Variants in GALNT13 observed in about 807,000 individuals in gnomAD.
GALNT13 encodes the protein polypeptide N-acetylgalactosaminyltransferase 13, also known as UDP-GalNAc:polypeptide N-acetylgalactosaminyltransferase 13.
Under a neutral mutation model 64.2 loss-of-function variants are expected in GALNT13, and 28 were observed. The ratio of observed to expected loss-of-function variants is 0.44; its 90% CI spans 0.32 to 0.60. The LOEUF (loss-of-function observed/expected upper bound fraction) is 0.60. Ranked by LOEUF, GALNT13 falls within the 20% of genes least tolerant of loss-of-function variation. The probability of loss-of-function intolerance (pLI) is 0.05; values close to 1 mark genes in which losing one functional copy is unlikely to be tolerated. For missense variants in GALNT13, 577 were observed against 669.8 expected (o/e 0.86, Z 1.53); for synonymous variants, 214 against 224.6 (o/e 0.95, Z 0.42).
At chr2:153,921,128 A>G (rs937103903) in intron 2 of GALNT13, among the ~76,000 whole-genome samples, 3 of 152,188 alleles carry the variant, frequency 2.0e-5, no homozygotes, top group African/African-American at 7.2e-5. Context: ...GTTTGAGTAT[A>G]TATCCAAAAG....
chr2:154,298,983 T>C (rs1264527622), intron 8 of GALNT13, among the ~76,000 whole-genome samples: 1 of 144,280 alleles, frequency 6.9e-6, no homozygotes, highest in African/African-American at 2.6e-5. Context: ...AATTACATAA[T>C]TCATAATTCT....
chr2:153,250,396 G>A, the GALNT13 span, among the ~76,000 whole-genome samples: 1 of 152,214 alleles, frequency 6.6e-6, no homozygotes, highest in Non-Finnish European at 1.5e-5. Flanking sequence ...ATGCTGGAGA[G>A]GATGTGGAGA....
chr2:154,242,861 G>C lies in GALNT13; in HGVS notation c.642G>C (p.Thr214=), dbSNP rs147522830. 1.9e-6 allele frequency: 3 copies of C among 1,614,042 alleles called. No individual in the cohort carries two copies. In the African/African-American group the frequency reaches 4.0e-5, roughly 22 times the overall value. The change falls in exon 6 of 13, where the codon ACG becomes ACC. Residue 214 remains threonine (T), a synonymous_variant. Coordinates refer to ENST00000392825, the MANE Select transcript of GALNT13 (RefSeq NM_052917.4). ...ITFLDAHCEC[T]LGWLEPLLAR... is the part of the protein sequence containing the mutation. Reference sequence around the variant, plus strand: ...TTCTTGATGCACACTGTGAATGCACGTTAGGATGGCTGGAGCCTTTGCTGG... The same window carrying C: ...TTCTTGATGCACACTGTGAATGCACCTTAGGATGGCTGGAGCCTTTGCTGG...
chr2:154,451,456 A>G lies in GALNT13; in HGVS notation c.*905A>G, dbSNP rs1464612121. 1 of 152,092 alleles carries G rather than the reference A, an allele frequency of 6.6e-6. No individual in the cohort carries two copies. Among genetic ancestry groups the G allele is most frequent in the Non-Finnish European group, 1.5e-5 (1 of 68,018 alleles). 9.4% of individuals were successfully genotyped at this position (152,092 alleles called of 1,614,324 possible). Reference sequence around the variant, plus strand: ...AATTGCAGGTGAAAGGGAGAATTTTAGACTTAATTTTTAACTCTATTGCAC... The same window carrying G: ...AATTGCAGGTGAAAGGGAGAATTTTGGACTTAATTTTTAACTCTATTGCAC... On this transcript the variant is annotated 3_prime_UTR_variant, in exon 13 of 13. Coordinates refer to ENST00000392825, the MANE Select transcript of GALNT13 (RefSeq NM_052917.4).
chr2:154,258,764 T>C (rs1690525746), intron 7 of GALNT13, among the ~76,000 whole-genome samples: 2 of 151,846 alleles, frequency 1.3e-5, no homozygotes, highest in Non-Finnish European at 2.9e-5. Flanking sequence ...AGTACCAGTC[T>C]TCCATGGCCA....
chr2:153,403,907 T>G, the GALNT13 span, among the ~76,000 whole-genome samples: 28 of 152,202 alleles, frequency 1.8e-4, no homozygotes, highest in African/African-American at 1.2e-4. Flanking sequence ...CTCACACTGG[T>G]AGCTGTAGAC....
chr2:154,080,925 G>A (rs2105413508), intron 3 of GALNT13, among the ~76,000 whole-genome samples: 1 of 151,608 alleles, frequency 6.6e-6, no homozygotes, highest in East Asian at 1.9e-4. Context: ...GACAGGAAAT[G>A]TTTAGTTTTA....
chr2:153,655,820 C>G, the GALNT13 span, among the ~76,000 whole-genome samples: 1 of 151,842 alleles, frequency 6.6e-6, no homozygotes, highest in East Asian at 1.9e-4. Flanking sequence ...TCCTTGTTTG[C>G]TATTGCTTGG....
At chr2:153,732,252 A>C in the GALNT13 span, among the ~76,000 whole-genome samples, 11 of 152,112 alleles carry the variant, frequency 7.2e-5, no homozygotes, top group Non-Finnish European at 1.5e-4. Flanking sequence ...ACAGAAAACA[A>C]ATGATACCTT....
intron 10 of GALNT13, among the ~76,000 whole-genome samples, chr2:154,397,357 T>G (rs1699102200): frequency 6.6e-6 from 1 of 152,080 alleles, no homozygotes; most frequent in Non-Finnish European, 1.5e-5. Flanking sequence ...GAGAATGGTG[T>G]GCACCCAGGA....
the GALNT13 span, among the ~76,000 whole-genome samples, chr2:153,430,268 AT>A: frequency 0.024 from 3,568 of 149,430 alleles, 122 homozygotes; most frequent in African/African-American, 0.079. Flanking sequence ...GCCAATTTTA[AT>A]TTTTTTTTTT....
chr2:154,345,823 T>C (rs1370810044), intron 9 of GALNT13, among the ~76,000 whole-genome samples: 1 of 152,060 alleles, frequency 6.6e-6, no homozygotes, highest in Non-Finnish European at 1.5e-5. Context: ...TTCCAGACAA[T>C]GGTCTCATTC....
At chr2:154,142,570 AAAAG>A (rs1198195207) in intron 4 of GALNT13, among the ~76,000 whole-genome samples, 16 of 150,444 alleles carry the variant, frequency 1.1e-4, no homozygotes, top group Non-Finnish European at 1.9e-4. Context: ...AAAAAAAAAA[AAAAG>A]AAAGGAAAAG....
rs748773990 is a variant in GALNT13 at position 154,242,133 on chromosome 2, A to G, written c.415A>G (p.Ile139Val). Reference protein sequence around the residue: ...STLLRTVYSVINRSPHYLLSE... With the variant: ...STLLRTVYSVVNRSPHYLLSE... ...TCTCCTTAGAACTGTTTACAGTGTG[A>G]TAAATCGTTCCCCACACTATCTACT... is the stretch of plus-strand genomic sequence containing the variant. Residue 139 changes from isoleucine to valine, a missense_variant, in exon 5 of 13, where the codon ATA (isoleucine) becomes GTA (valine). Physicochemically the swap from Ile to Val is conservative, Grantham distance 29. Coordinates refer to ENST00000392825, the MANE Select transcript of GALNT13 (RefSeq NM_052917.4). 11 of 1,612,676 alleles carry G rather than the reference A, an allele frequency of 6.8e-6. No individual in the cohort carries two copies. In the East Asian group the frequency reaches 1.8e-4, roughly 26 times the overall value.
the GALNT13 span, among the ~76,000 whole-genome samples, chr2:153,129,784 C>A: frequency 2.0e-4 from 30 of 151,136 alleles, no homozygotes; most frequent in African/African-American, 6.8e-4. Context: ...AAAAAAGGAA[C>A]CAATTGGCAG....
chr2:153,252,552 T>G, the GALNT13 span, among the ~76,000 whole-genome samples: 1 of 151,646 alleles, frequency 6.6e-6, no homozygotes, highest in South Asian at 2.1e-4. Flanking sequence ...TGCCCATGCC[T>G]ATGTCCTGAA....
the GALNT13 span, among the ~76,000 whole-genome samples, chr2:153,608,639 T>C: frequency 6.7e-6 from 1 of 148,316 alleles, no homozygotes; most frequent in Non-Finnish European, 1.5e-5. Context: ...CTCTCTTTCA[T>C]ACATATATAT....
intron 9 of GALNT13, among the ~76,000 whole-genome samples, chr2:154,314,082 G>A (rs1207561028): frequency 6.6e-6 from 1 of 152,132 alleles, no homozygotes; most frequent in Non-Finnish European, 1.5e-5. Context: ...AGTTGGCTGA[G>A]TTTTTGTTTG....
chr2:153,822,414 G>C, the GALNT13 span, among the ~76,000 whole-genome samples: 2 of 152,028 alleles, frequency 1.3e-5, no homozygotes, highest in Admixed American at 6.6e-5. Flanking sequence ...TGGGGATATA[G>C]GGTTAGTTCC....
Sources: gnomAD v4.1 joint callset for allele counts (sites outside exome capture counted in the v4.1 genomes callset) on GRCh38, gnomAD v4.1.1 for gene constraint, MANE v1.5 for transcripts, NCBI Gene and HGNC (gene_info 2026-07-23, HGNC 2026-07-21) for gene names.